Variants in MYO3B observed in about 807,000 individuals in gnomAD.
The protein encoded by MYO3B is myosin-IIIb.
Under a neutral mutation model 174.6 loss-of-function variants are expected in MYO3B, and 156 were observed. That is an observed-to-expected ratio of 0.89 (90% confidence interval 0.78 to 1.02). The LOEUF (loss-of-function observed/expected upper bound fraction) is 1.02. Among genes scored for constraint, MYO3B ranks in the 50% least tolerant of loss-of-function variants. The probability of loss-of-function intolerance (pLI) is 0.00; values close to 1 mark genes in which losing one functional copy is unlikely to be tolerated. For synonymous variants in MYO3B, 563 were observed against 569.1 expected (o/e 0.99, Z 0.15); for missense variants, 1,632 against 1,639.4 (o/e 1.00, Z 0.08).
chr2:170,572,885 A>G (rs1303832965), intron 32 of MYO3B, among the ~76,000 whole-genome samples: 2 of 152,196 alleles, frequency 1.3e-5, no homozygotes, highest in African/African-American at 4.8e-5. Flanking sequence ...TATGAGAAAT[A>G]ATTAATGACT....
chr2:170,392,532 A>G (rs1386214281), intron 16 of MYO3B, 37 bp downstream of exon 16: 1 of 1,303,544 alleles, frequency 7.7e-7, no homozygotes, highest in African/African-American at 1.5e-5. Context: ...AAGTGACAAT[A>G]TTCTTATATG....
chr2:170,603,470 A>AT (rs1261798084), intron 32 of MYO3B, among the ~76,000 whole-genome samples: 1 of 152,130 alleles, frequency 6.6e-6, no homozygotes, highest in Non-Finnish European at 1.5e-5. Flanking sequence ...AAACTTTCGT[A>AT]TTTTTTTCTC....
intron 32 of MYO3B, among the ~76,000 whole-genome samples, chr2:170,614,768 C>T (rs1021158351): frequency 2.0e-5 from 3 of 152,186 alleles, no homozygotes; most frequent in African/African-American, 7.2e-5. Flanking sequence ...GCCACAACTC[C>T]CCTCAGTCCT....
At chr2:170,408,761 A>G (rs796601373) in intron 22 of MYO3B, among the ~76,000 whole-genome samples, 34 of 3,248 alleles carry the variant, frequency 0.01, no homozygotes, top group African/African-American at 0.014. Context: ...CCTGGCTAAG[A>G]AAAAAAAAAA....
rs34882424 is a variant in MYO3B at position 170,422,977 on chromosome 2, C to CTTT, written c.2650+15152_2650+15154dup. On this transcript the variant is annotated intron_variant, in intron 22 of 34. Transcript: ENST00000408978. ...TTAGACCAACCATATTTCTTTCTTTCTTTTTTTTTTTTTTTTTTTTTGAGA... is the reference window on the plus strand; with the variant it reads ...TTAGACCAACCATATTTCTTTCTTTCTTTTTTTTTTTTTTTTTTTTTTTTGAGA... 2.2e-3 allele frequency among the ~76,000 whole-genome samples: 198 copies of CTTT among 88,494 alleles called. 16 individuals carry two copies. Among genetic ancestry groups the CTTT allele is most frequent in the Middle Eastern group, 0.012 (1 of 84 alleles). 58.1% of individuals were successfully genotyped at this position (88,494 alleles called of 152,430 possible).
chr2:170,318,241 C>T (rs1422029212), intron 7 of MYO3B, among the ~76,000 whole-genome samples: 1 of 152,180 alleles, frequency 6.6e-6, no homozygotes, highest in African/African-American at 2.4e-5. Context: ...TTCATCTTTG[C>T]TTAGACTTTC....
chr2:170,593,803 A>C (rs13426056), intron 32 of MYO3B, among the ~76,000 whole-genome samples: 39,466 of 152,156 alleles, frequency 0.26, 7,175 homozygotes, highest in African/African-American at 0.51. Flanking sequence ...CCAGCTCTCT[A>C]TGATGTGCAC....
chr2:170,462,580 G>A (rs1684359211), intron 23 of MYO3B, among the ~76,000 whole-genome samples: 1 of 152,258 alleles, frequency 6.6e-6, no homozygotes, highest in Non-Finnish European at 1.5e-5. Flanking sequence ...CATGCTGACA[G>A]CAGTGTCTTC....
chr2:170,219,347 A>C (rs1465139495), intron 6 of MYO3B, among the ~76,000 whole-genome samples: 3 of 152,224 alleles, frequency 2.0e-5, no homozygotes, highest in African/African-American at 7.2e-5. Flanking sequence ...ACATGCTCAA[A>C]AAAATTATCT....
At chr2:170,332,328 G>A (rs1476420148) in intron 7 of MYO3B, 1 of 152,100 alleles carries the variant, frequency 6.6e-6, no homozygotes, top group East Asian at 1.9e-4. Context: ...TCAACATACA[G>A]TAAGCCCTCA....
intron 7 of MYO3B, among the ~76,000 whole-genome samples, chr2:170,314,888 C>T (rs1322544188): frequency 6.6e-6 from 1 of 152,186 alleles, no homozygotes; most frequent in Non-Finnish European, 1.5e-5. Flanking sequence ...ATTTCTTACT[C>T]AGCATTACTC....
intron 29 of MYO3B, among the ~76,000 whole-genome samples, chr2:170,516,914 T>C (rs1374747595): frequency 6.6e-6 from 1 of 152,190 alleles, no homozygotes; most frequent in African/African-American, 2.4e-5. Context: ...TTTTTTTAAC[T>C]CAACCTATTC....
intron 12 of MYO3B, 167 bp downstream of exon 12, chr2:170,383,981 C>A: frequency 3.5e-6 from 2 of 568,752 alleles, no homozygotes; most frequent in South Asian, 2.4e-5. Flanking sequence ...ATAGGTAAAG[C>A]CATAGCATCG....
chr2:170,357,353 T>TATATATA (rs1558920252), intron 8 of MYO3B, among the ~76,000 whole-genome samples: 29 of 134,996 alleles, frequency 2.1e-4, no homozygotes, highest in African/African-American at 6.6e-4. Context: ...ATATATATAT[T>TATATATA]TTATATATTA....
At chr2:170,281,031 A>G (rs2093504994) in intron 7 of MYO3B, among the ~76,000 whole-genome samples, 1 of 152,148 alleles carries the variant, frequency 6.6e-6, no homozygotes, top group Non-Finnish European at 1.5e-5. Context: ...TTGTAATTTG[A>G]TAGGAATAGC....
intron 28 of MYO3B, among the ~76,000 whole-genome samples, chr2:170,505,737 C>T (rs1687582888): frequency 6.6e-6 from 1 of 152,214 alleles, no homozygotes; most frequent in Non-Finnish European, 1.5e-5. Context: ...TTGTGGGCCT[C>T]CCTCTCTCAA....
At chr2:170,464,572 C>T (rs1299426896) in intron 24 of MYO3B, among the ~76,000 whole-genome samples, 2 of 152,010 alleles carry the variant, frequency 1.3e-5, no homozygotes, top group Admixed American at 6.6e-5. Context: ...GGATCTAAAA[C>T]GCGGAAGTCC....
At chr2:170,298,631 G>T (rs944209439) in intron 7 of MYO3B, among the ~76,000 whole-genome samples, 1 of 141,504 alleles carries the variant, frequency 7.1e-6, no homozygotes, top group Non-Finnish European at 1.5e-5. Context: ...CCGAGATCAC[G>T]CCACTGCTCT....
intron 9 of MYO3B, among the ~76,000 whole-genome samples, chr2:170,372,372 A>G (rs1009505197): frequency 1.3e-5 from 2 of 152,158 alleles, no homozygotes; most frequent in African/African-American, 4.8e-5. Context: ...TGAGTCTTTC[A>G]TTTCTTTTTA....
Sources: allele counts gnomAD v4.1 joint callset (sites outside exome capture counted in the v4.1 genomes callset), GRCh38; gene constraint gnomAD v4.1.1; transcripts MANE v1.5; gene names NCBI Gene and HGNC (gene_info 2026-07-23, HGNC 2026-07-21).